The following SRGAP2 variants were observed in gnomAD, a reference collection of about 807,000 sequenced individuals.
SRGAP2 encodes SLIT-ROBO Rho GTPase activating protein 2.
In SRGAP2, 15 loss-of-function variants were observed where a neutral mutation model predicts 57.2. The observed-to-expected ratio is 0.26, with a 90% confidence interval of 0.18 to 0.40. The LOEUF (loss-of-function observed/expected upper bound fraction) is 0.40. Ranked by LOEUF, SRGAP2 falls within the 10% of genes least tolerant of loss-of-function variation. The pLI is 1.00. For synonymous variants in SRGAP2, 249 were observed against 248.0 expected (o/e 1.00, Z -0.04); for missense variants, 520 against 669.6 (o/e 0.78, Z 2.47).
chr1:206,289,658 T>C (rs1671206125), intron 2 of SRGAP2, among the ~76,000 whole-genome samples: 1 of 146,450 alleles, frequency 6.8e-6, no homozygotes, highest in African/African-American at 2.5e-5. Context: ...GTTTATAATC[T>C]TTTTACTAAA....
chr1:206,340,990 G>C (rs1451287830), intron 3 of SRGAP2, among the ~76,000 whole-genome samples: 1 of 152,192 alleles, frequency 6.6e-6, no homozygotes, highest in Non-Finnish European at 1.5e-5. Flanking sequence ...CCTGGGGCAG[G>C]GGGTGAGTGG....
At chr1:206,415,000 C>G (rs1406828037) in intron 10 of SRGAP2, among the ~76,000 whole-genome samples, 3 of 152,196 alleles carry the variant, frequency 2.0e-5, no homozygotes, top group Non-Finnish European at 2.9e-5. Flanking sequence ...TGTCAAACTG[C>G]CTGTATTTGG....
intron 2 of SRGAP2, among the ~76,000 whole-genome samples, chr1:206,281,922 A>C (rs1262672428): frequency 6.6e-6 from 1 of 151,888 alleles, no homozygotes; most frequent in Non-Finnish European, 1.5e-5. Context: ...ACAAAAAAAA[A>C]AACAAAAAAA....
intron 17 of SRGAP2, among the ~76,000 whole-genome samples, chr1:206,440,762 G>A (rs1662221175): frequency 6.6e-6 from 1 of 152,154 alleles, no homozygotes; most frequent in South Asian, 2.1e-4. Flanking sequence ...GGCCAAGATG[G>A]TCACCATCTC....
In SRGAP2 at chr1:206,430,157, T is replaced by C; in HGVS notation, c.1495-5T>C. 2 of 780,782 alleles carry C rather than the reference T, an allele frequency of 2.6e-6. No homozygotes were observed. Among genetic ancestry groups the C allele is most frequent in the South Asian group, 2.7e-5 (2 of 74,616 alleles). 48.4% of individuals were successfully genotyped at this position (780,782 alleles called of 1,614,324 possible). A position where few individuals can be genotyped will look rare whatever the true frequency, so the allele number is the denominator to read the frequency against. ...CTAATGTTGTGTTTCCCTTTGGCTT[T>C]TCAGGACTCCAGCCAGGCAATTCCT... On this transcript the variant is annotated splice_polypyrimidine_tract_variant and splice_region_variant and intron_variant, in intron 13 of 22. Transcript: ENST00000573034.
At chr1:206,452,557 A>C (rs1298615779) in intron 19 of SRGAP2, among the ~76,000 whole-genome samples, 1 of 152,242 alleles carries the variant, frequency 6.6e-6, no homozygotes, top group Non-Finnish European at 1.5e-5. Context: ...ACGTCAAGGC[A>C]TGAAGATCTT....
At chr1:206,429,370 C>T (rs1661092215) in intron 13 of SRGAP2, among the ~76,000 whole-genome samples, 1 of 152,240 alleles carries the variant, frequency 6.6e-6, no homozygotes, top group African/African-American at 2.4e-5. Context: ...TAATTGAGCA[C>T]CTCTTATGTG....
chr1:206,303,438 G>A lies in SRGAP2; in HGVS notation c.225G>A (p.Leu75=), dbSNP rs1467607520. The A allele has an allele frequency of 7.6e-4, 1,183 of 1,547,250 alleles. 2 individuals carry two copies. The highest frequency in any genetic ancestry group is 1.1e-3 in the Admixed American group (55 of 50,488). The stretch of plus-strand genomic sequence containing the variant: ...TGGAGAAGCTGGCAGAACGCTTCCT[G>A]GCCAAGACACGCAGCACCAAGGACC... The part of the protein sequence containing the change: ...RNLEKLAERF[L]AKTRSTKDQQ... The change falls in exon 3 of 23, where the codon CTG becomes CTA. Residue 75 remains leucine, a synonymous_variant. Transcript: ENST00000573034.
chr1:206,372,993 CTTTCTTTCTTTCTTTCTTTCTT>C (rs1654805609), intron 4 of SRGAP2, among the ~76,000 whole-genome samples: 1 of 95,566 alleles, frequency 1.0e-5, no homozygotes, highest in African/African-American at 4.3e-5. Flanking sequence ...TTCTTTCTTT[CTTTCTTTCTTTCTTTCTTTCTT>C]TCTTTCTTTC....
At chr1:206,434,310 C>A (rs551922049) in intron 14 of SRGAP2, among the ~76,000 whole-genome samples, 1 of 152,192 alleles carries the variant, frequency 6.6e-6, no homozygotes, top group African/African-American at 2.4e-5. Context: ...AAAAACAAAC[C>A]GCCATTTTCA....
chr1:206,440,139 C>T, intron 17 of SRGAP2, 58 bp downstream of exon 17: 1 of 758,386 alleles, frequency 1.3e-6, no homozygotes, highest in Non-Finnish European at 2.5e-6. Context: ...ACTGGAAGTT[C>T]CTCTATGGAC....
chr1:206,433,002 T>A (rs567660644), intron 14 of SRGAP2, among the ~76,000 whole-genome samples: 3 of 152,354 alleles, frequency 2.0e-5, no homozygotes, highest in Admixed American at 6.5e-5. Flanking sequence ...ATTGGAAGTA[T>A]TTCTCCTGAA....
At chr1:206,307,907 C>A (rs1275082816) in intron 3 of SRGAP2, among the ~76,000 whole-genome samples, 1 of 151,968 alleles carries the variant, frequency 6.6e-6, no homozygotes, top group Admixed American at 6.5e-5. Flanking sequence ...TCCCACAGTG[C>A]AGGGGGGGGT....
At chr1:206,420,999 C>T (rs970837770) in intron 12 of SRGAP2, among the ~76,000 whole-genome samples, 1 of 152,072 alleles carries the variant, frequency 6.6e-6, no homozygotes, top group South Asian at 2.1e-4. Context: ...GCAGGGACGT[C>T]TGTGCTTTTG....
intron 2 of SRGAP2, among the ~76,000 whole-genome samples, chr1:206,232,316 A>G (rs1667693890): frequency 6.6e-6 from 1 of 151,860 alleles, no homozygotes; most frequent in Non-Finnish European, 1.5e-5. Context: ...AATTAAATAA[A>G]ACAGAATCTT....
rs375485987 is a variant in SRGAP2, at chr1:206,443,628, C to T, written c.1875-2447C>T. On this transcript the variant is annotated intron_variant, in intron 17 of 22. Coordinates refer to ENST00000573034, the MANE Select transcript of SRGAP2 (RefSeq NM_015326.5). ...CTGACCTCAGGTGATCCACCCACCT[C>T]GACCTCACAAAGTGCTGGGATTACA... 2.6e-5 allele frequency among the ~76,000 whole-genome samples: 4 copies of T among 152,240 alleles called. No individual in the cohort carries two copies. In the South Asian group the frequency reaches 6.2e-4, roughly 24 times the overall value.
intron 2 of SRGAP2, among the ~76,000 whole-genome samples, chr1:206,291,803 T>G (rs1460803607): frequency 2.0e-5 from 3 of 149,118 alleles, no homozygotes. Context: ...TCAGTTCTTA[T>G]AACCAACCAG....
chr1:206,378,359 C>T (rs111391723), intron 4 of SRGAP2, among the ~76,000 whole-genome samples: 1,944 of 152,170 alleles, frequency 0.013, 44 homozygotes, highest in African/African-American at 0.044. Flanking sequence ...ACACATCTGT[C>T]GTCCCAGCTA....
chr1:206,255,863 A>G (rs1173269791), intron 2 of SRGAP2, among the ~76,000 whole-genome samples: 1 of 151,680 alleles, frequency 6.6e-6, no homozygotes, highest in Non-Finnish European at 1.5e-5. Context: ...AACTGGACTC[A>G]TAGGTGAGTA....
Sources: gnomAD v4.1 joint callset for allele counts (sites outside exome capture counted in the v4.1 genomes callset) on GRCh38, gnomAD v4.1.1 for gene constraint, MANE v1.5 for transcripts, NCBI Gene and HGNC (gene_info 2026-07-23, HGNC 2026-07-21) for gene names.